CACNA2D1: variants seen among roughly 807,000 people sequenced by gnomAD.
CACNA2D1 encodes voltage-dependent calcium channel subunit alpha-2/delta-1.
In CACNA2D1, 53 loss-of-function variants were observed where a neutral mutation model predicts 171.5. The ratio of observed to expected loss-of-function variants is 0.31; its 90% CI spans 0.25 to 0.39. The LOEUF (loss-of-function observed/expected upper bound fraction) is 0.39. Among genes scored for constraint, CACNA2D1 ranks in the 10% least tolerant of loss-of-function variants. CACNA2D1 has a pLI of 1.00. For missense variants in CACNA2D1, 903 were observed against 1,299.8 expected, an observed-to-expected ratio of 0.69 and a Z score of 4.69; for synonymous variants, 442 against 443.1, an observed-to-expected ratio of 1.00 and a Z score of 0.03.
At chr7:81,985,356 C>CACG (rs760426945) in intron 21 of CACNA2D1, among the ~76,000 whole-genome samples, 3 of 151,892 alleles carry the variant, frequency 2.0e-5, no homozygotes, top group Non-Finnish European at 4.4e-5. Context: ...CACATGCCAC[C>CACG]ACGCCCAGCT....
At chr7:82,262,184 A>C (rs1003752135) in intron 3 of CACNA2D1, among the ~76,000 whole-genome samples, 12 of 152,150 alleles carry the variant, frequency 7.9e-5, no homozygotes, top group African/African-American at 2.7e-4. Flanking sequence ...ACAACAAATT[A>C]GCCAGGCGTG....
intron 3 of CACNA2D1, among the ~76,000 whole-genome samples, chr7:82,330,192 T>C (rs908094156): frequency 6.6e-6 from 1 of 151,864 alleles, no homozygotes; most frequent in Non-Finnish European, 1.5e-5. Context: ...AAAGCACAAA[T>C]GAGTGTAAAA....
At chr7:82,227,464 T>A (rs1309447754) in intron 3 of CACNA2D1, among the ~76,000 whole-genome samples, 2 of 152,232 alleles carry the variant, frequency 1.3e-5, no homozygotes, top group African/African-American at 4.8e-5. Flanking sequence ...GATTAGTGAT[T>A]AGTTTAGGAA....
In CACNA2D1 at chr7:81,947,381, A is replaced by AAAAG. The variant is rs1440781415; in HGVS notation, c.*3007_*3010dup. ...ACACCTCAAGCATTAGAAACATGAAAAAAGATCATACTAAAATCTTATAGG... is the reference window on the plus strand; with the variant it reads ...ACACCTCAAGCATTAGAAACATGAAAAAAGAAAGATCATACTAAAATCTTATAGG... On this transcript the variant is annotated 3_prime_UTR_variant, in exon 39 of 39. Coordinates refer to ENST00000356860, the MANE Select transcript of CACNA2D1 (RefSeq NM_000722.4). The AAAAG allele has an allele frequency of 6.6e-6, 1 of 151,880 alleles. No homozygotes were observed. Among genetic ancestry groups the AAAAG allele is most frequent in the Non-Finnish European group, 1.5e-5 (1 of 67,846 alleles). 9.4% of individuals were successfully genotyped at this position (151,880 alleles called of 1,614,324 possible).
chr7:82,159,829 G>A (rs1455817393), intron 4 of CACNA2D1, among the ~76,000 whole-genome samples: 1 of 74,908 alleles, frequency 1.3e-5, no homozygotes, highest in East Asian at 3.5e-4. Flanking sequence ...AAAATGAAAT[G>A]TTAAAAAAAA....
At chr7:82,214,626 A>G (rs912756734) in intron 3 of CACNA2D1, among the ~76,000 whole-genome samples, 4 of 152,178 alleles carry the variant, frequency 2.6e-5, no homozygotes, top group African/African-American at 7.2e-5. Flanking sequence ...AAAATACTCT[A>G]TAACTTAAAA....
intron 3 of CACNA2D1, among the ~76,000 whole-genome samples, chr7:82,273,070 A>T (rs539857983): frequency 8.5e-5 from 13 of 152,340 alleles, no homozygotes; most frequent in Admixed American, 2.6e-4. Flanking sequence ...AAATAAAATC[A>T]CAAAATAAAG....
chr7:81,961,472 TTACTATA>T (rs1794108287), intron 36 of CACNA2D1, among the ~76,000 whole-genome samples: 1 of 151,788 alleles, frequency 6.6e-6, no homozygotes, highest in African/African-American at 2.4e-5. Flanking sequence ...ATCTGTTTAG[TTACTATA>T]TAGAAAAATA....
chr7:82,119,404 A>T (rs1021869646), intron 5 of CACNA2D1, among the ~76,000 whole-genome samples: 1 of 152,190 alleles, frequency 6.6e-6, no homozygotes, highest in Admixed American at 6.5e-5. Context: ...AGAGACAGAG[A>T]TACAAGCTAA....
intron 3 of CACNA2D1, among the ~76,000 whole-genome samples, chr7:82,289,100 G>A (rs866040565): frequency 6.6e-6 from 1 of 152,196 alleles, no homozygotes. Flanking sequence ...TTATCTATTT[G>A]TCCTTTATAA....
At chr7:82,289,353 A>T (rs1225423065) in intron 3 of CACNA2D1, among the ~76,000 whole-genome samples, 1 of 152,182 alleles carries the variant, frequency 6.6e-6, no homozygotes. Context: ...ACACCATTGT[A>T]TCTGCTCTCA....
At chr7:82,257,322 G>C (rs1472254533) in intron 3 of CACNA2D1, among the ~76,000 whole-genome samples, 1 of 152,154 alleles carries the variant, frequency 6.6e-6, no homozygotes, top group Admixed American at 6.5e-5. Context: ...GCCCACAGCA[G>C]TCTATATTTT....
chr7:82,060,193 TATATATATTATATATATAA>T lies in CACNA2D1; in HGVS notation c.879+216_879+234del, dbSNP rs1562981731. The stretch of plus-strand genomic sequence containing the variant: ...ATATATATATAATATATATATATTA[TATATATATTATATATATAA>T]TATATATATAATATATATATATAAT... On this transcript the variant is annotated intron_variant, in intron 10 of 38. Transcript: ENST00000356860. Among the ~76,000 whole-genome samples, 12 of 10,492 alleles carry T rather than the reference TATATATATTATATATATAA, an allele frequency of 1.1e-3. 3 individuals are homozygous for T. Among genetic ancestry groups the T allele is most frequent in the Non-Finnish European group, 2.8e-3 (10 of 3,634 alleles). The allele number at this position is 10,492 out of a possible 152,430, so 6.9% of individuals were successfully genotyped here.
At chr7:82,171,938 T>A (rs915311794) in intron 3 of CACNA2D1, among the ~76,000 whole-genome samples, 5 of 152,068 alleles carry the variant, frequency 3.3e-5, no homozygotes, top group African/African-American at 4.8e-5. Flanking sequence ...TGGATAAACA[T>A]CCTTCTAGAC....
intron 6 of CACNA2D1, among the ~76,000 whole-genome samples, chr7:82,107,828 C>G (rs1239975927): frequency 3.9e-5 from 6 of 152,082 alleles, no homozygotes; most frequent in African/African-American, 1.4e-4. Flanking sequence ...AGATGATCCG[C>G]CCGCCTCTGC....
intron 1 of CACNA2D1, among the ~76,000 whole-genome samples, chr7:82,350,094 C>T (rs776368669): frequency 9.2e-5 from 14 of 152,148 alleles, no homozygotes; most frequent in Non-Finnish European, 1.9e-4. Flanking sequence ...CAATTTGATG[C>T]ATTCCCTTCT....
At chr7:82,187,475 C>A (rs1345869556) in intron 3 of CACNA2D1, among the ~76,000 whole-genome samples, 1 of 152,032 alleles carries the variant, frequency 6.6e-6, no homozygotes, top group Non-Finnish European at 1.5e-5. Context: ...CCAGCAACAT[C>A]TGTAGATAAG....
At chr7:82,057,768 G>T (rs1038791672) in intron 10 of CACNA2D1, among the ~76,000 whole-genome samples, 1 of 152,122 alleles carries the variant, frequency 6.6e-6, no homozygotes, top group Non-Finnish European at 1.5e-5. Flanking sequence ...CCCAGGAGGA[G>T]TAAGAGTCTG....
At chr7:82,132,203 T>C (rs1034752700) in intron 5 of CACNA2D1, among the ~76,000 whole-genome samples, 4 of 152,170 alleles carry the variant, frequency 2.6e-5, no homozygotes, top group African/African-American at 9.7e-5. Flanking sequence ...AGAAAAATTA[T>C]CTCCCCCAAA....
Sources: allele counts gnomAD v4.1 joint callset (sites outside exome capture counted in the v4.1 genomes callset), GRCh38; gene constraint gnomAD v4.1.1; transcripts MANE v1.5; gene names NCBI Gene and HGNC (gene_info 2026-07-23, HGNC 2026-07-21).